Variants in THADA observed in about 807,000 individuals in gnomAD.
The protein encoded by THADA is tRNA (32-2'-O)-methyltransferase regulator THADA.
THADA carries 213 observed loss-of-function variants against 219.8 expected under a neutral mutation model. The observed-to-expected ratio is 0.97, with a 90% CI of 0.87 to 1.09. The LOEUF (loss-of-function observed/expected upper bound fraction) is 1.09. Among genes scored for constraint, THADA ranks in the 50% least tolerant of loss-of-function variants. THADA has a pLI of 0.00. For missense variants in THADA, 2,956 were observed against 2,311.3 expected (o/e 1.28, Z -5.72); for synonymous variants, 1,018 against 828.9 (o/e 1.23, Z -3.92).
intron 20 of THADA, among the ~76,000 whole-genome samples, chr2:43,545,931 G>C (rs764312950): frequency 0.031 from 4,680 of 151,808 alleles, 241 homozygotes; most frequent in African/African-American, 0.11. Context: ...GAATGTGTTT[G>C]CTCTTGCTTT....
At chr2:43,358,086 A>G (rs1212109250) in intron 29 of THADA, among the ~76,000 whole-genome samples, 3 of 151,874 alleles carry the variant, frequency 2.0e-5, no homozygotes, top group African/African-American at 7.3e-5. Flanking sequence ...AGCTGTCACC[A>G]TTTTCTACAC....
At chr2:43,349,606 T>C (rs982708697) in intron 29 of THADA, among the ~76,000 whole-genome samples, 1 of 152,124 alleles carries the variant, frequency 6.6e-6, no homozygotes, top group African/African-American at 2.4e-5. Flanking sequence ...TTTTCCCCCT[T>C]ATAAAATCAA....
intron 20 of THADA, among the ~76,000 whole-genome samples, chr2:43,547,674 T>C (rs1429645231): frequency 6.6e-6 from 1 of 152,250 alleles, no homozygotes; most frequent in East Asian, 1.9e-4. Flanking sequence ...CTGAGGCTTC[T>C]GCATTCTTCA....
intron 36 of THADA, among the ~76,000 whole-genome samples, chr2:43,265,192 A>G (rs1465221619): frequency 6.6e-6 from 1 of 152,156 alleles, no homozygotes; most frequent in Non-Finnish European, 1.5e-5. Flanking sequence ...CCCAAAGGCC[A>G]GCGGTGGGGG....
chr2:43,231,431 A>G (rs1667403089), intron 37 of THADA, 88 bp from the exon 38 acceptor site: 1 of 1,368,984 alleles, frequency 7.3e-7, no homozygotes, highest in Non-Finnish European at 9.6e-7. Flanking sequence ...GCCAGATGCA[A>G]GAGGGGTTTC....
At chr2:43,503,998 C>G (rs770348804) in intron 24 of THADA, among the ~76,000 whole-genome samples, 1 of 151,970 alleles carries the variant, frequency 6.6e-6, no homozygotes, top group African/African-American at 2.4e-5. Flanking sequence ...TAAGGAAATG[C>G]TAATTGGAGC....
At position 43,291,912 on chromosome 2, in the gene THADA, C is replaced by T. The variant is rs939225455; in HGVS notation, c.4938-144G>A. On this transcript the variant is annotated intron_variant, in intron 33 of 37. Coordinates refer to ENST00000405975, the MANE Select transcript of THADA (RefSeq NM_022065.5). ...CTGGTTACAAAAATGCCTCCGGAAG[C>T]AATTACCTTTTGGTTATTAATGCAA... 5.0e-6 allele frequency: 4 copies of T among 805,840 alleles called. No homozygotes were observed. The African/African-American group carries it at 5.3e-5, about 11-fold the overall frequency. 49.9% of individuals were successfully genotyped at this position (805,840 alleles called of 1,614,324 possible).
rs575845410 is a variant in THADA, at chr2:43,235,824, T to G, written c.5297-2942A>C. Among the ~76,000 whole-genome samples, 595 of 151,816 alleles carry G rather than the reference T, an allele frequency of 3.9e-3. 7 individuals carry two copies. The highest frequency in any genetic ancestry group is 5.5e-3 in the Non-Finnish European group (375 of 67,898). On this transcript the variant is annotated intron_variant, in intron 36 of 37. Coordinates refer to ENST00000405975, the MANE Select transcript of THADA (RefSeq NM_022065.5). ...TCTATCCTGCACCATTTTTTTTTTT[T>G]GAGACAGAGTCTCGCTCTGTCGCCC...
At chr2:43,414,401 CAT>C (rs1056510386) in intron 28 of THADA, among the ~76,000 whole-genome samples, 1 of 152,186 alleles carries the variant, frequency 6.6e-6, no homozygotes, top group Non-Finnish European at 1.5e-5. Flanking sequence ...CACAGAGATA[CAT>C]GTCATTCTAT....
chr2:43,420,547 T>C (rs1040838290), intron 28 of THADA, among the ~76,000 whole-genome samples: 7 of 152,240 alleles, frequency 4.6e-5, no homozygotes, highest in African/African-American at 7.2e-5. Context: ...TGTTCTAACA[T>C]GACCTAAACT....
intron 29 of THADA, among the ~76,000 whole-genome samples, chr2:43,363,674 C>G (rs1354362435): frequency 6.6e-6 from 1 of 152,154 alleles, no homozygotes; most frequent in Non-Finnish European, 1.5e-5. Context: ...AGGAAGTGAG[C>G]AAGATACCCA....
intron 30 of THADA, among the ~76,000 whole-genome samples, chr2:43,338,154 C>CT (rs35928615): frequency 0.22 from 27,654 of 126,364 alleles, 3,640 homozygotes; most frequent in Non-Finnish European, 0.26. Flanking sequence ...ATCACCAGAA[C>CT]TTTTTTTTTT....
chr2:43,249,222 G>C (rs1040204166), intron 36 of THADA, among the ~76,000 whole-genome samples: 2 of 151,918 alleles, frequency 1.3e-5, no homozygotes, highest in East Asian at 1.9e-4. Context: ...TGAGTAACTG[G>C]AACTACAGAC....
At chr2:43,397,128 C>A (rs1457737166) in intron 29 of THADA, among the ~76,000 whole-genome samples, 1 of 151,810 alleles carries the variant, frequency 6.6e-6, no homozygotes, top group Non-Finnish European at 1.5e-5. Flanking sequence ...GGCAGTCTGG[C>A]TCCAGAGTTT....
chr2:43,394,370 C>G (rs757827808), intron 29 of THADA, among the ~76,000 whole-genome samples: 3 of 152,076 alleles, frequency 2.0e-5, no homozygotes, highest in Non-Finnish European at 4.4e-5. Context: ...TAGAAATACT[C>G]TGAGATTTGA....
At chr2:43,249,799 C>A (rs1481451412) in intron 36 of THADA, among the ~76,000 whole-genome samples, 1 of 152,192 alleles carries the variant, frequency 6.6e-6, no homozygotes, top group East Asian at 1.9e-4. Flanking sequence ...TTCCCACCCC[C>A]ATCCAAGCTG....
intron 29 of THADA, among the ~76,000 whole-genome samples, chr2:43,393,321 C>T (rs181763550): frequency 1.3e-5 from 2 of 152,290 alleles, no homozygotes; most frequent in East Asian, 3.9e-4. Flanking sequence ...TTAGATGGAT[C>T]CTTGGTTTAT....
intron 36 of THADA, among the ~76,000 whole-genome samples, chr2:43,257,018 T>C (rs6736136): frequency 0.081 from 12,342 of 152,248 alleles, 1,579 homozygotes; most frequent in African/African-American, 0.28. Context: ...CTCTCCAAGA[T>C]GGCAACTGTC....
chr2:43,417,798 G>C (rs1410695457), intron 28 of THADA, among the ~76,000 whole-genome samples: 2 of 152,130 alleles, frequency 1.3e-5, no homozygotes, highest in African/African-American at 2.4e-5. Context: ...TCAAATTCAC[G>C]CCTTATCACT....
Sources: gnomAD v4.1 joint callset for allele counts (sites outside exome capture counted in the v4.1 genomes callset) on GRCh38, gnomAD v4.1.1 for gene constraint, MANE v1.5 for transcripts, NCBI Gene and HGNC (gene_info 2026-07-23, HGNC 2026-07-21) for gene names.